Variants in NAV2 observed in about 807,000 individuals in gnomAD.
The protein encoded by NAV2 is helicase, APC down-regulated 1.
A neutral mutation model predicts 223.2 loss-of-function variants in NAV2; 54 were observed. That is an observed-to-expected ratio of 0.24 (90% CI 0.19 to 0.30). The LOEUF (loss-of-function observed/expected upper bound fraction) is 0.30, where lower values mean the gene tolerates loss of function less well. NAV2 is among the 10% of genes least tolerant of loss of function. The pLI, the probability that NAV2 is intolerant of heterozygous loss-of-function variation, is 1.00. For missense variants in NAV2, 2,806 were observed against 3,147.5 expected (o/e 0.89, Z 2.60); for synonymous variants, 1,279 against 1,239.3 (o/e 1.03, Z -0.67).
intron 3 of NAV2, among the ~76,000 whole-genome samples, chr11:19,850,852 A>G (rs536853893): frequency 1.3e-5 from 2 of 152,310 alleles, no homozygotes; most frequent in African/African-American, 4.8e-5. Context: ...TATTCTCATA[A>G]CCATCCTATA....
At position 20,045,055 on chromosome 11, in the gene NAV2, G is replaced by T; in HGVS notation, c.3287G>T (p.Arg1096Leu). 1 of 1,614,092 alleles carries T rather than the reference G, an allele frequency of 6.2e-7. No homozygotes were observed. Among genetic ancestry groups the T allele is most frequent in the Non-Finnish European group, 8.5e-7 (1 of 1,180,014 alleles). Residue 1096 changes from arginine to leucine, a missense_variant, in exon 14 of 38, where the codon CGG becomes CTG. By Grantham distance (102) the Arg-to-Leu change is moderately radical. This residue lies in a region of NAV2 where 742 missense variants were observed against 777.9 expected (regional missense o/e 0.95). Coordinates refer to ENST00000349880, the MANE Select transcript of NAV2 (RefSeq NM_145117.5). Reference protein sequence around the residue: ...QVKRSPSDAGRSSGDESKKPL... With the variant: ...QVKRSPSDAGLSSGDESKKPL... ...AAGCGCTCCCCATCAGATGCAGGCCGGAGCAGTGGTGACGAATCCAAAAAG... is the reference window on the plus strand; with the variant it reads ...AAGCGCTCCCCATCAGATGCAGGCCTGAGCAGTGGTGACGAATCCAAAAAG...
intron 11 of NAV2, among the ~76,000 whole-genome samples, chr11:19,997,911 T>C (rs1236785124): frequency 6.6e-6 from 1 of 152,070 alleles, no homozygotes. Flanking sequence ...CCACCCCAGG[T>C]AGGATCCTCT....
At chr11:19,807,224 A>T (rs1428249831) in intron 1 of NAV2, among the ~76,000 whole-genome samples, 1 of 152,228 alleles carries the variant, frequency 6.6e-6, no homozygotes, top group African/African-American at 2.4e-5. Context: ...GTTTCACATG[A>T]CAAATTAGAA....
chr11:19,564,644 A>C (rs1488238320), intron 1 of NAV2, among the ~76,000 whole-genome samples: 1 of 152,120 alleles, frequency 6.6e-6, no homozygotes, highest in Non-Finnish European at 1.5e-5. Context: ...GAGTGTCCAG[A>C]CCTGCCCTCT....
At chr11:19,446,381 C>A (rs151162081) in intron 1 of NAV2, among the ~76,000 whole-genome samples, 88 of 152,190 alleles carry the variant, frequency 5.8e-4, no homozygotes, top group African/African-American at 2.0e-3. Context: ...CCTTCCCTCC[C>A]AGTTCCTTTT....
At chr11:19,885,972 A>T (rs114942641) in intron 5 of NAV2, among the ~76,000 whole-genome samples, 116 of 152,150 alleles carry the variant, frequency 7.6e-4, no homozygotes, top group African/African-American at 2.7e-3. Flanking sequence ...TGCACTTTGA[A>T]AATGTTCATC....
chr11:19,345,657 AC>A, the NAV2 span, among the ~76,000 whole-genome samples: 1 of 151,808 alleles, frequency 6.6e-6, no homozygotes, highest in Non-Finnish European at 1.5e-5. The surrounding 1 kb of genome is among the most constrained non-coding windows in gnomAD (Gnocchi z 5.2). Flanking sequence ...GCGCTGGGAA[AC>A]TCTTCCCCAG....
At chr11:20,029,345 G>T (rs6483631) in intron 11 of NAV2, among the ~76,000 whole-genome samples, 27,841 of 152,152 alleles carry the variant, frequency 0.18, 2,642 homozygotes, top group Middle Eastern at 0.28. Context: ...GGCTCTTGCT[G>T]TGTCCATGTG....
intron 1 of NAV2, among the ~76,000 whole-genome samples, chr11:19,414,441 A>G (rs1265143460): frequency 2.0e-5 from 3 of 152,270 alleles, no homozygotes; most frequent in South Asian, 2.1e-4. Context: ...CCAGATTTAT[A>G]AAGCAAGATC....
At chr11:19,818,236 T>G (rs2059204437) in intron 1 of NAV2, among the ~76,000 whole-genome samples, 1 of 58,436 alleles carries the variant, frequency 1.7e-5, no homozygotes, top group Non-Finnish European at 5.8e-5. Context: ...TAGTGATTTT[T>G]TTTTTTTTTT....
At chr11:19,823,079 G>T (rs1041905022) in intron 1 of NAV2, among the ~76,000 whole-genome samples, 2 of 152,116 alleles carry the variant, frequency 1.3e-5, no homozygotes, top group East Asian at 3.9e-4. Flanking sequence ...ACAGGGTCTC[G>T]CTCTGTTACT....
chr11:19,361,140 G>A (rs1178826481), intron 1 of NAV2, among the ~76,000 whole-genome samples: 1 of 151,010 alleles, frequency 6.6e-6, no homozygotes, highest in African/African-American at 2.4e-5. Context: ...GCCTTGTAGG[G>A]TTGTATTAGG....
chr11:20,016,797 A>G (rs1042581069), intron 11 of NAV2, among the ~76,000 whole-genome samples: 1 of 151,376 alleles, frequency 6.6e-6, no homozygotes, highest in Non-Finnish European at 1.5e-5. Context: ...GGAGTTCAAG[A>G]CCAACCTGGC....
At chr11:19,363,023 G>A (rs1294599511) in intron 1 of NAV2, among the ~76,000 whole-genome samples, 1 of 152,166 alleles carries the variant, frequency 6.6e-6, no homozygotes, top group Non-Finnish European at 1.5e-5. Flanking sequence ...GGGTACATGT[G>A]CAGAATGTGC....
chr11:19,783,760 T>G lies in NAV2; in HGVS notation c.268-48724T>G, dbSNP rs531022925. Among the ~76,000 whole-genome samples, 5 of 152,322 alleles carry G rather than the reference T, an allele frequency of 3.3e-5. No individual in the cohort carries two copies. In the South Asian group the frequency reaches 1.0e-3, roughly 32 times the overall value. ...TGATGATGATGATAATCATTCCAAA[T>G]TCAAGGTTGTTAGGGTTGTTTAGTA... On this transcript the variant is annotated intron_variant, in intron 1 of 37. Coordinates refer to ENST00000349880, the MANE Select transcript of NAV2 (RefSeq NM_145117.5).
At chr11:19,366,399 G>A (rs1393971139) in intron 1 of NAV2, among the ~76,000 whole-genome samples, 1 of 152,196 alleles carries the variant, frequency 6.6e-6, no homozygotes, top group African/African-American at 2.4e-5. Flanking sequence ...TGCTCTTCCT[G>A]CTTCCTGCTT....
At chr11:19,666,439 G>A (rs2048412419) in intron 1 of NAV2, among the ~76,000 whole-genome samples, 1 of 152,146 alleles carries the variant, frequency 6.6e-6, no homozygotes, top group Admixed American at 6.5e-5. Context: ...GCAGCCGTAG[G>A]CAGCAGAAAA....
intron 1 of NAV2, among the ~76,000 whole-genome samples, chr11:19,536,963 A>C (rs760608845): frequency 2.6e-4 from 40 of 152,230 alleles, no homozygotes; most frequent in Non-Finnish European, 5.4e-4. Context: ...TTATTTACTG[A>C]AGAGCAGGAG....
At chr11:19,714,846 C>A (rs1215389071) in intron 1 of NAV2, among the ~76,000 whole-genome samples, 1 of 152,214 alleles carries the variant, frequency 6.6e-6, no homozygotes, top group Non-Finnish European at 1.5e-5. Flanking sequence ...GTCCTCCCCG[C>A]TCCATTTCCC....
Sources: gnomAD v4.1 joint callset for allele counts (sites outside exome capture counted in the v4.1 genomes callset) on GRCh38, gnomAD v4.1.1 for gene constraint, gnomAD v4.1.1 regional missense constraint, Gnocchi (gnomAD v3.1) non-coding constraint, MANE v1.5 for transcripts, NCBI Gene and HGNC (gene_info 2026-07-23, HGNC 2026-07-21) for gene names.